Variants in IP6K3 observed in about 807,000 individuals in gnomAD.
IP6K3 encodes ATP:1D-myo-inositol-hexakisphosphate phosphotransferase.
In IP6K3, 20 loss-of-function variants were observed where a neutral mutation model predicts 28.8. That is an observed-to-expected ratio of 0.70 (90% CI 0.49 to 1.01). The LOEUF (loss-of-function observed/expected upper bound fraction) is 1.01. Among genes scored for constraint, IP6K3 ranks in the 50% least tolerant of loss-of-function variants. The pLI is 0.00. For synonymous variants in IP6K3, 213 were observed against 221.3 expected, an observed-to-expected ratio of 0.96 and a Z score of 0.33; for missense variants, 480 against 537.1, an observed-to-expected ratio of 0.89 and a Z score of 1.05.
intron 2 of IP6K3, among the ~76,000 whole-genome samples, chr6:33,734,633 T>C (rs891951944): frequency 2.0e-5 from 3 of 152,218 alleles, no homozygotes; most frequent in African/African-American, 7.2e-5. Context: ...CAGCCTGTCC[T>C]GGGGAGCCCG....
At chr6:33,726,709 G>A in intron 4 of IP6K3, 22 bp downstream of exon 4, 1 of 1,556,636 alleles carries the variant, frequency 6.4e-7, no homozygotes. Flanking sequence ...GGGACCACAT[G>A]TGAGGGGGAT....
intron 4 of IP6K3, 57 bp downstream of exon 4, chr6:33,726,674 T>C: frequency 6.7e-7 from 1 of 1,490,444 alleles, no homozygotes; most frequent in Non-Finnish European, 9.1e-7. Flanking sequence ...TCTGCCCCTC[T>C]GTGTCTCTCT....
chr6:33,734,503 T>C (rs1459175871), intron 2 of IP6K3, among the ~76,000 whole-genome samples: 1 of 152,134 alleles, frequency 6.6e-6, no homozygotes, highest in Non-Finnish European at 1.5e-5. Flanking sequence ...AGTCATGGGG[T>C]CTACCGTCCT....
At chr6:33,728,378 T>C in intron 2 of IP6K3, 78 bp from the exon 3 acceptor site, 3 of 1,375,856 alleles carry the variant, frequency 2.2e-6, no homozygotes, top group Non-Finnish European at 2.1e-6. Flanking sequence ...TGATGACGAG[T>C]TGGGAATTTA....
At chr6:33,747,108 G>T (rs1158817844), upstream of IP6K3, among the ~76,000 whole-genome samples, 1 of 152,196 alleles carries the variant, frequency 6.6e-6, no homozygotes, top group Non-Finnish European at 1.5e-5. This position sits in a 1 kb window ranked among gnomAD's most constrained non-coding sequence, Gnocchi z 5.2. Context: ...TGAGGCAGGG[G>T]AGAGTTCAGC....
Position 33,722,501 on chromosome 6 carries a change from AT to A in IP6K3, c.*218del, listed in dbSNP as rs1308518036. 2.4e-6 allele frequency: 1 copy of A among 419,270 alleles called. No individual in the cohort carries two copies. The highest frequency in any genetic ancestry group is 2.0e-5 in the African/African-American group (1 of 50,210). The allele number at this position is 419,270 out of a possible 1,614,324, so 26.0% of individuals were successfully genotyped here. On this transcript the variant is annotated 3_prime_UTR_variant, in exon 6 of 6. Coordinates refer to ENST00000293756, the MANE Select transcript of IP6K3 (RefSeq NM_054111.5). ...CTTTATCCTGGCTGTCTGTTCTCCG[AT>A]GAGCAGCATTAGAGCATAATGCCAG...
At chr6:33,760,189 T>C in the IP6K3 span, among the ~76,000 whole-genome samples, 3 of 152,206 alleles carry the variant, frequency 2.0e-5, no homozygotes, top group Admixed American at 1.3e-4. Context: ...GACCCTACAT[T>C]AGAAAGCAAC....
chr6:33,739,266 G>GAA, intron 1 of IP6K3: 1 of 148,458 alleles, frequency 6.7e-6, no homozygotes, highest in African/African-American at 2.5e-5. Context: ...GCCAGCCTGT[G>GAA]AAAAAAAAAA....
chr6:33,740,197 A>G (rs1353966414), intron 1 of IP6K3, among the ~76,000 whole-genome samples: 1 of 152,136 alleles, frequency 6.6e-6, no homozygotes, highest in Non-Finnish European at 1.5e-5. Context: ...GGGGAGGCAT[A>G]GGGGGAGTAA....
chr6:33,730,307 C>G (rs1421744950), intron 2 of IP6K3, among the ~76,000 whole-genome samples: 1 of 152,200 alleles, frequency 6.6e-6, no homozygotes, highest in Non-Finnish European at 1.5e-5. Context: ...TCCAGAGCTG[C>G]CTGTGCCTAG....
chr6:33,756,957 A>G, the IP6K3 span, among the ~76,000 whole-genome samples: 1 of 152,342 alleles, frequency 6.6e-6, no homozygotes, highest in African/African-American at 2.4e-5. Context: ...CGGGGGCCAC[A>G]GGTACCTCCA....
intron 1 of IP6K3, among the ~76,000 whole-genome samples, chr6:33,741,839 T>A (rs1766736173): frequency 6.6e-6 from 1 of 151,360 alleles, no homozygotes; most frequent in South Asian, 2.1e-4. Context: ...TAATCCCAGC[T>A]ACTCGGGAGG....
chr6:33,728,336 G>T, intron 2 of IP6K3, 36 bp from the exon 3 acceptor site: 1 of 1,591,868 alleles, frequency 6.3e-7, no homozygotes, highest in Non-Finnish European at 8.6e-7. Flanking sequence ...GGAGGAGCCA[G>T]TTGAGAGAGC....
intron 1 of IP6K3, among the ~76,000 whole-genome samples, chr6:33,736,445 C>T (rs1345154218): frequency 1.3e-5 from 2 of 152,116 alleles, no homozygotes; most frequent in Non-Finnish European, 2.9e-5. Context: ...CACTCTGTTG[C>T]CCAGGCTGGA....
intron 2 of IP6K3, among the ~76,000 whole-genome samples, chr6:33,734,512 C>T (rs1450508603): frequency 6.6e-6 from 1 of 152,220 alleles, no homozygotes; most frequent in East Asian, 1.9e-4. Context: ...GTCTACCGTC[C>T]TCTAAAGAGG....
the IP6K3 span, among the ~76,000 whole-genome samples, chr6:33,757,007 C>T: frequency 6.6e-6 from 1 of 152,260 alleles, no homozygotes; most frequent in Non-Finnish European, 1.5e-5. Context: ...GTCTTCACTG[C>T]ACTGCTGCTC....
At chr6:33,741,532 G>C (rs562879775) in intron 1 of IP6K3, among the ~76,000 whole-genome samples, 8 of 151,184 alleles carry the variant, frequency 5.3e-5, no homozygotes, top group African/African-American at 1.9e-4. Flanking sequence ...TGTAATCCCA[G>C]CTACTCGGGA....
intron 2 of IP6K3, among the ~76,000 whole-genome samples, chr6:33,734,995 G>A (rs1766462690): frequency 6.6e-6 from 1 of 152,212 alleles, no homozygotes; most frequent in Non-Finnish European, 1.5e-5. Flanking sequence ...TGCCGCCTTG[G>A]AGACTGGGTG....
chr6:33,725,342 G>T, intron 5 of IP6K3, 99 bp downstream of exon 5: 1 of 1,242,050 alleles, frequency 8.1e-7, no homozygotes, highest in Non-Finnish European at 1.1e-6. Flanking sequence ...AGAGTGAAGG[G>T]CTCTGCAGGG....
Sources: allele counts gnomAD v4.1 joint callset (sites outside exome capture counted in the v4.1 genomes callset), GRCh38; gene constraint gnomAD v4.1.1; non-coding constraint Gnocchi (gnomAD v3.1); transcripts MANE v1.5; gene names NCBI Gene and HGNC (gene_info 2026-07-23, HGNC 2026-07-21).